The following GALNT13 variants were observed in gnomAD, a reference collection of about 807,000 sequenced individuals.
GALNT13 encodes the protein polypeptide N-acetylgalactosaminyltransferase 13.
In GALNT13, 28 loss-of-function variants were observed where a neutral mutation model predicts 64.2. The ratio of observed to expected loss-of-function variants is 0.44; its 90% CI spans 0.32 to 0.60. The LOEUF (loss-of-function observed/expected upper bound fraction) is 0.60, where lower values mean the gene tolerates loss of function less well. GALNT13 is among the 20% of genes least tolerant of loss of function. The pLI is 0.05. For missense variants in GALNT13, 577 were observed against 669.8 expected (o/e 0.86, Z 1.53); for synonymous variants, 214 against 224.6 (o/e 0.95, Z 0.42).
intron 9 of GALNT13, among the ~76,000 whole-genome samples, chr2:154,366,437 C>T (rs1697367007): frequency 6.6e-6 from 1 of 152,168 alleles, no homozygotes; most frequent in Non-Finnish European, 1.5e-5. Flanking sequence ...AGCACAGCCT[C>T]AGACATAAGT....
At chr2:153,248,174 A>G in the GALNT13 span, among the ~76,000 whole-genome samples, 2 of 152,142 alleles carry the variant, frequency 1.3e-5, no homozygotes, top group African/African-American at 4.8e-5. Context: ...ACTATTCCAA[A>G]CAAAAGAAAA....
At chr2:153,105,811 G>A in the GALNT13 span, among the ~76,000 whole-genome samples, 1 of 152,092 alleles carries the variant, frequency 6.6e-6, no homozygotes, top group Admixed American at 6.6e-5. Flanking sequence ...ACTTACAAGG[G>A]ATGTGAAGGA....
chr2:154,423,320 A>T (rs1342545362), intron 11 of GALNT13, among the ~76,000 whole-genome samples: 1 of 152,222 alleles, frequency 6.6e-6, no homozygotes, highest in East Asian at 1.9e-4. Context: ...ATTGATGGAC[A>T]TTTGGGTTGG....
chr2:153,424,761 A>G, the GALNT13 span, among the ~76,000 whole-genome samples: 3 of 151,738 alleles, frequency 2.0e-5, no homozygotes. Context: ...TCTTTCATAA[A>G]CTCCTGCATA....
At chr2:154,184,793 A>G (rs1686163182) in intron 4 of GALNT13, among the ~76,000 whole-genome samples, 1 of 151,964 alleles carries the variant, frequency 6.6e-6, no homozygotes, top group South Asian at 2.1e-4. Context: ...AAACCTTTAC[A>G]TTTTTTCATA....
intron 9 of GALNT13, among the ~76,000 whole-genome samples, chr2:154,376,657 T>G (rs568229681): frequency 1.3e-5 from 2 of 152,124 alleles, no homozygotes; most frequent in African/African-American, 4.8e-5. Context: ...AAATTACAGG[T>G]TAATAGTGTC....
At chr2:154,405,584 TA>T (rs71398312) in intron 10 of GALNT13, among the ~76,000 whole-genome samples, 4,627 of 133,920 alleles carry the variant, frequency 0.035, 115 homozygotes, top group Middle Eastern at 0.058. Flanking sequence ...CCATCTCTTC[TA>T]AAAAAAAAAA....
At chr2:153,487,818 A>G in the GALNT13 span, among the ~76,000 whole-genome samples, 55 of 152,336 alleles carry the variant, frequency 3.6e-4, no homozygotes, top group Admixed American at 1.2e-3. Flanking sequence ...TTTGGGAACA[A>G]TCAAGGAATT....
chr2:154,075,348 T>C (rs184551616), intron 3 of GALNT13, among the ~76,000 whole-genome samples: 222 of 151,984 alleles, frequency 1.5e-3, no homozygotes, highest in Middle Eastern at 3.4e-3. Flanking sequence ...CAAAGGGTCC[T>C]TTCTTTTCCT....
intron 1 of GALNT13, among the ~76,000 whole-genome samples, chr2:153,891,936 A>G (rs937460981): frequency 6.6e-6 from 1 of 151,972 alleles, no homozygotes; most frequent in Admixed American, 6.6e-5. Flanking sequence ...GAAGTCCATG[A>G]TTGTTTCTTT....
At chr2:153,864,846 C>T in the GALNT13 span, among the ~76,000 whole-genome samples, 2 of 147,666 alleles carry the variant, frequency 1.4e-5, no homozygotes, top group Admixed American at 6.8e-5. Flanking sequence ...GAGCCCGCAT[C>T]GCCAAGTCAA....
intron 8 of GALNT13, among the ~76,000 whole-genome samples, chr2:154,298,589 T>C (rs1159628613): frequency 0.015 from 153 of 10,514 alleles, 28 homozygotes; most frequent in South Asian, 0.13. Flanking sequence ...ATATATAATT[T>C]ATATATACAA....
intron 7 of GALNT13, among the ~76,000 whole-genome samples, chr2:154,246,920 A>G (rs1217269245): frequency 1.3e-5 from 2 of 152,084 alleles, no homozygotes; most frequent in Non-Finnish European, 1.5e-5. Flanking sequence ...TTTCACTTAA[A>G]GTTGCAACAA....
the GALNT13 span, among the ~76,000 whole-genome samples, chr2:153,636,176 A>G: frequency 2.6e-5 from 4 of 152,134 alleles, no homozygotes; most frequent in African/African-American, 9.7e-5. Flanking sequence ...CTTATATTTA[A>G]TTCCACACAC....
intron 3 of GALNT13, among the ~76,000 whole-genome samples, chr2:153,976,707 A>G (rs1291278750): frequency 6.6e-6 from 1 of 152,036 alleles, no homozygotes; most frequent in Non-Finnish European, 1.5e-5. Context: ...TTGTCAATCG[A>G]TTATGTTGGG....
At chr2:153,973,158 A>G (rs1693853573) in intron 3 of GALNT13, among the ~76,000 whole-genome samples, 1 of 151,026 alleles carries the variant, frequency 6.6e-6, no homozygotes, top group Admixed American at 6.6e-5. Context: ...AAGTACATCA[A>G]TTATCAAAGT....
the GALNT13 span, among the ~76,000 whole-genome samples, chr2:153,632,981 G>A: frequency 2.6e-5 from 4 of 151,910 alleles, no homozygotes; most frequent in African/African-American, 7.2e-5. Flanking sequence ...GGCTGGTCTC[G>A]AACTCCTGAC....
chr2:154,024,953 G>C (rs1574359731), intron 3 of GALNT13, among the ~76,000 whole-genome samples: 1 of 152,154 alleles, frequency 6.6e-6, no homozygotes, highest in African/African-American at 2.4e-5. Context: ...TTTGCTAGAG[G>C]TCCACTCCAG....
At chr2:154,330,873 G>A (rs892107972) in intron 9 of GALNT13, among the ~76,000 whole-genome samples, 2 of 152,060 alleles carry the variant, frequency 1.3e-5, no homozygotes. Context: ...TCTACTGACT[G>A]TTCTAAAATT....
Sources: allele counts gnomAD v4.1 joint callset (sites outside exome capture counted in the v4.1 genomes callset), GRCh38; gene constraint gnomAD v4.1.1; transcripts MANE v1.5; gene names NCBI Gene and HGNC (gene_info 2026-07-23, HGNC 2026-07-21).